RBBP4: variants seen among roughly 807,000 people sequenced by gnomAD.
RBBP4 encodes the protein histone-binding protein RBBP4.
In RBBP4, 3 loss-of-function variants were observed where a neutral mutation model predicts 57.2. That is an observed-to-expected ratio of 0.05 (90% CI 0.02 to 0.14). RBBP4 has a LOEUF of 0.14. RBBP4 is among the 10% of genes least tolerant of loss of function. The pLI, the probability that RBBP4 is intolerant of heterozygous loss-of-function variation, is 1.00. For missense variants in RBBP4, 107 were observed against 520.6 expected (o/e 0.21, Z 7.73); for synonymous variants, 151 against 171.5 (o/e 0.88, Z 0.93).
intron 3 of RBBP4, 132 bp from the exon 4 acceptor site, chr1:32,668,093 A>G (rs1450295916): frequency 1.8e-5 from 14 of 784,032 alleles, no homozygotes; most frequent in Non-Finnish European, 1.8e-5. Context: ...GTGCTAGCAA[A>G]TGTATAGATT....
At chr1:32,663,580 A>AT (rs925604520) in intron 3 of RBBP4, among the ~76,000 whole-genome samples, 30 of 40,402 alleles carry the variant, frequency 7.4e-4, no homozygotes, top group East Asian at 6.5e-3. Context: ...AGCCCCTGAA[A>AT]TATTTTTTTT....
At chr1:32,651,442 G>C in intron 1 of RBBP4, 120 bp downstream of exon 1, 1 of 1,368,206 alleles carries the variant, frequency 7.3e-7, no homozygotes, top group African/African-American at 1.5e-5. Flanking sequence ...GGTACTGAAG[G>C]CGTGAAGAGG....
Position 32,680,404 on chromosome 1 carries a change from G to A in RBBP4, c.*699G>A, listed in dbSNP as rs1206455100. On this transcript the variant is annotated 3_prime_UTR_variant, in exon 12 of 12. Transcript: ENST00000373493. ...CTTGGGACCACCAAGTTGTAAAGAT[G>A]TATGTTTTTACCTGACAGTTATACC... 2.3e-5 allele frequency: 22 copies of A among 974,424 alleles called. No homozygotes were observed. In the African/African-American group the frequency reaches 4.1e-4, roughly 18 times the overall value. The allele number at this position is 974,424 out of a possible 1,614,324, so 60.4% of individuals were successfully genotyped here.
intron 4 of RBBP4, 113 bp from the exon 5 acceptor site, chr1:32,668,626 A>G (rs1051059289): frequency 2.3e-6 from 2 of 887,074 alleles, no homozygotes; most frequent in East Asian, 2.6e-5. Context: ...AACGGTTCCT[A>G]TATCATTTAT....
chr1:32,668,106 A>G (rs1489161898), intron 3 of RBBP4, 119 bp from the exon 4 acceptor site: 1 of 892,728 alleles, frequency 1.1e-6, no homozygotes, highest in Non-Finnish European at 1.7e-6. Flanking sequence ...TATAGATTAC[A>G]TCTAGTATTA....
intron 11 of RBBP4, 131 bp downstream of exon 11, chr1:32,673,032 C>T: frequency 1.3e-6 from 1 of 745,358 alleles, no homozygotes; most frequent in Non-Finnish European, 2.2e-6. Flanking sequence ...TAAGACTTGT[C>T]TATACATTAT....
chr1:32,661,049 T>TG (rs1648382372), intron 3 of RBBP4, among the ~76,000 whole-genome samples: 2 of 152,016 alleles, frequency 1.3e-5, no homozygotes, highest in South Asian at 4.1e-4. Context: ...CCTGGGCTCT[T>TG]GCAATTCACC....
At chr1:32,674,814 G>T (rs1173883948) in intron 11 of RBBP4, among the ~76,000 whole-genome samples, 1 of 150,516 alleles carries the variant, frequency 6.6e-6, no homozygotes, top group African/African-American at 2.5e-5. Context: ...TGCAACCTCT[G>T]CCTCCCAGGT....
Position 32,672,681 on chromosome 1 carries a change from C to T in RBBP4, c.1083C>T (p.Asp361=), listed in dbSNP as rs375515004. ...AACAATCCCCAGAAGATGCAGAAGA[C>T]GGGCCACCAGAGTTGTTGGTATGTT... ...GEEQSPEDAE[D]GPPELLFIHG... Residue 361 remains aspartate (D), a synonymous_variant, in exon 10 of 12, where the codon GAC becomes GAT. Transcript: ENST00000373493. 173 of 1,613,832 alleles carry T rather than the reference C, an allele frequency of 1.1e-4. No individual in the cohort carries two copies. Among genetic ancestry groups the T allele is most frequent in the Middle Eastern group, 1.6e-4 (1 of 6,084 alleles).
chr1:32,653,073 G>GT (rs1369199391), intron 2 of RBBP4, among the ~76,000 whole-genome samples: 1 of 152,302 alleles, frequency 6.6e-6, no homozygotes, highest in East Asian at 1.9e-4. Flanking sequence ...TGTTTCTTAC[G>GT]TGTAGGTAGC....
chr1:32,668,532 C>A, intron 4 of RBBP4, 134 bp downstream of exon 4: 1 of 1,067,176 alleles, frequency 9.4e-7, no homozygotes, highest in South Asian at 1.7e-5. Context: ...GTATATTTTT[C>A]TTCATTTTGC....
At chr1:32,666,901 G>A (rs1422004192) in intron 3 of RBBP4, among the ~76,000 whole-genome samples, 3 of 152,044 alleles carry the variant, frequency 2.0e-5, no homozygotes, top group Admixed American at 1.3e-4. Context: ...AGGAATAACC[G>A]GCAGGTATAG....
chr1:32,684,381 T>A lies in RBBP4; in HGVS notation c.*4676T>A. ...GCGTTCTTCCATTTCCTCCAGCTGT[T>A]CCTGCATGAGATGGCCAAGAACATT... On this transcript the variant is annotated 3_prime_UTR_variant, in exon 12 of 12. Transcript: ENST00000373493. 1 of 1,614,202 alleles carries A rather than the reference T, an allele frequency of 6.2e-7. No individual in the cohort carries two copies. The highest frequency in any genetic ancestry group is 8.5e-7 in the Non-Finnish European group (1 of 1,180,042).
rs1649321799 is a variant in RBBP4, at chr1:32,680,003, C to G, written c.*298C>G. The G allele has an allele frequency of 1.7e-6, 2 of 1,151,294 alleles. No homozygotes were observed. The highest frequency in any genetic ancestry group is 3.3e-5 in the African/African-American group (2 of 61,476). The allele number at this position is 1,151,294 out of a possible 1,614,324, so 71.3% of individuals were successfully genotyped here. A position where few individuals can be genotyped will look rare whatever the true frequency, so the allele number is the denominator to read the frequency against. ...GATTATTTTTCTTCTTATGCTATAT[C>G]CCCAAGTTTTTCAGACTCATTTAAG... On this transcript the variant is annotated 3_prime_UTR_variant, in exon 12 of 12. Transcript: ENST00000373493.
intron 2 of RBBP4, among the ~76,000 whole-genome samples, chr1:32,654,789 G>T (rs12035453): frequency 0.11 from 16,844 of 152,154 alleles, 1,726 homozygotes; most frequent in African/African-American, 0.26. Context: ...CGCCTCCTGG[G>T]TTCAATCGAT....
At chr1:32,662,204 T>G (rs759058727) in intron 3 of RBBP4, 93 of 345,304 alleles carry the variant, frequency 2.7e-4, no homozygotes, top group Admixed American at 6.8e-4. Flanking sequence ...TTTTGGGGTT[T>G]TGTTTTATTT....
At position 32,680,902 on chromosome 1, in the gene RBBP4, CTG is replaced by C. The variant is rs1199412421; in HGVS notation, c.*1199_*1200del. ...AAGGTAACGTTTCTTTGAAGTCTAT[CTG>C]TAGAGAACTACATGGACTTCCAAGA... On this transcript the variant is annotated 3_prime_UTR_variant, in exon 12 of 12. Transcript: ENST00000373493. The C allele has an allele frequency of 2.4e-5, 5 of 207,104 alleles. No homozygotes were observed. The highest frequency in any genetic ancestry group is 4.8e-5 in the Non-Finnish European group (5 of 104,410). 12.8% of individuals were successfully genotyped at this position (207,104 alleles called of 1,614,324 possible).
intron 11 of RBBP4, among the ~76,000 whole-genome samples, chr1:32,676,635 G>GAA (rs375693965): frequency 1.7e-3 from 10 of 5,736 alleles, no homozygotes; most frequent in Middle Eastern, 0.25. Context: ...AAAAGAAAAA[G>GAA]AAAAGCTGTT....
chr1:32,655,507 T>G (rs564617028), intron 2 of RBBP4, among the ~76,000 whole-genome samples: 2 of 152,196 alleles, frequency 1.3e-5, no homozygotes, highest in African/African-American at 4.8e-5. Context: ...CATATCTCTC[T>G]TCATTTCTTT....
Sources: allele counts gnomAD v4.1 joint callset (sites outside exome capture counted in the v4.1 genomes callset), GRCh38; gene constraint gnomAD v4.1.1; transcripts MANE v1.5; gene names NCBI Gene and HGNC (gene_info 2026-07-23, HGNC 2026-07-21).